DPYD: variants seen among roughly 807,000 people sequenced by gnomAD.
The protein encoded by DPYD is dihydropyrimidine dehydrogenase [NADP(+)].
DPYD carries 109 observed loss-of-function variants against 116.2 expected under a neutral mutation model. The observed-to-expected ratio is 0.94, with a 90% CI of 0.80 to 1.10. DPYD has a LOEUF of 1.10. Ranked by LOEUF, DPYD falls within the 50% of genes least tolerant of loss-of-function variation. The pLI is 0.00. For missense variants in DPYD, 1,302 were observed against 1,254.5 expected (o/e 1.04, Z -0.57); for synonymous variants, 440 against 432.0 (o/e 1.02, Z -0.23).
rs1570752998 is a variant in DPYD, at chr1:97,450,240, G to T, written c.1741-17C>A. The T allele has an allele frequency of 6.2e-7, 1 of 1,612,918 alleles. No individual in the cohort carries two copies. The highest frequency in any genetic ancestry group is 2.2e-5 in the East Asian group (1 of 44,862). The stretch of plus-strand genomic sequence containing the variant: ...CACAATGTCCTGATGAAAGAGTAAA[G>T]ATATTGAGTCTCCTTTTGACAAAGA... On this transcript the variant is annotated splice_polypyrimidine_tract_variant and intron_variant, in intron 13 of 22. Transcript: ENST00000370192.
intron 13 of DPYD, among the ~76,000 whole-genome samples, chr1:97,497,403 C>T (rs1436450320): frequency 6.6e-6 from 1 of 151,768 alleles, no homozygotes; most frequent in Non-Finnish European, 1.5e-5. Flanking sequence ...TTTAGATTTG[C>T]TATTACACCA....
intron 8 of DPYD, among the ~76,000 whole-genome samples, chr1:97,612,482 A>C (rs1571059737): frequency 6.6e-6 from 1 of 152,126 alleles, no homozygotes; most frequent in Middle Eastern, 3.4e-3. Context: ...TAAAGATGTA[A>C]ATGATTCCTC....
chr1:97,085,448 CTA>C (rs1316627249), intron 21 of DPYD, among the ~76,000 whole-genome samples: 1 of 152,158 alleles, frequency 6.6e-6, no homozygotes, highest in African/African-American at 2.4e-5. Context: ...TGTGGAGCCT[CTA>C]GAAGTTATTA....
intron 14 of DPYD, among the ~76,000 whole-genome samples, chr1:97,409,337 A>T (rs1673849382): frequency 6.6e-6 from 1 of 152,152 alleles, no homozygotes; most frequent in African/African-American, 2.4e-5. Flanking sequence ...CCTGGTGGGT[A>T]CAAGAGTGGT....
At chr1:97,099,695 C>T (rs914029313) in intron 20 of DPYD, among the ~76,000 whole-genome samples, 3 of 152,030 alleles carry the variant, frequency 2.0e-5, no homozygotes, top group East Asian at 1.9e-4. Flanking sequence ...CTACAGCACT[C>T]GAAGGTCATC....
chr1:97,168,793 C>T (rs959619242), intron 20 of DPYD, among the ~76,000 whole-genome samples: 1 of 151,912 alleles, frequency 6.6e-6, no homozygotes, highest in African/African-American at 2.4e-5. Flanking sequence ...TGATTAGGCA[C>T]TACACCTGAC....
Position 97,193,659 on chromosome 1 carries a change from C to T in DPYD, c.2443-411G>A, listed in dbSNP as rs1192608456. ...GGCAGTTCTCACGTCTGAAAGTGGTCAAACTGAGGTTGGAGTGCTGTTTAT... is the reference window on the plus strand; with the variant it reads ...GGCAGTTCTCACGTCTGAAAGTGGTTAAACTGAGGTTGGAGTGCTGTTTAT... On this transcript the variant is annotated intron_variant, in intron 19 of 22. Transcript: ENST00000370192. Among the ~76,000 whole-genome samples the T allele has an allele frequency of 9.9e-5, 15 of 152,082 alleles. 1 individual carries two copies. The highest frequency in any genetic ancestry group is 9.8e-4 in the Admixed American group (15 of 15,256).
At chr1:97,312,161 A>C (rs1336384411) in intron 16 of DPYD, among the ~76,000 whole-genome samples, 2 of 151,858 alleles carry the variant, frequency 1.3e-5, no homozygotes, top group Admixed American at 1.3e-4. Context: ...TATACAAATG[A>C]CCAGCAAATA....
intron 18 of DPYD, among the ~76,000 whole-genome samples, chr1:97,287,367 G>A (rs1665770403): frequency 6.6e-6 from 1 of 152,158 alleles, no homozygotes; most frequent in Non-Finnish European, 1.5e-5. Context: ...AGGCTGCTCG[G>A]GGGTCAGGGG....
intron 20 of DPYD, among the ~76,000 whole-genome samples, chr1:97,151,992 T>C (rs1188085488): frequency 2.0e-5 from 3 of 152,318 alleles, no homozygotes; most frequent in East Asian, 3.9e-4. Flanking sequence ...TCATCAAAAA[T>C]AAGTATTACA....
intron 3 of DPYD, among the ~76,000 whole-genome samples, chr1:97,745,725 G>T (rs1664511521): frequency 1.3e-5 from 2 of 152,162 alleles, no homozygotes; most frequent in Admixed American, 1.3e-4. Flanking sequence ...CCACCTCATA[G>T]ATGAGGCTCC....
chr1:97,765,159 TACA>T (rs1289673761), intron 3 of DPYD, among the ~76,000 whole-genome samples: 1 of 152,342 alleles, frequency 6.6e-6, no homozygotes, highest in East Asian at 1.9e-4. Context: ...TTTAATTCTA[TACA>T]ACGCCTTCAC....
chr1:97,748,270 A>T (rs1664667950), intron 3 of DPYD, among the ~76,000 whole-genome samples: 1 of 152,092 alleles, frequency 6.6e-6, no homozygotes, highest in Admixed American at 6.5e-5. Context: ...GATTAGTATA[A>T]TAGATAGATA....
chr1:97,389,787 C>T (rs1411102953), intron 14 of DPYD, among the ~76,000 whole-genome samples: 1 of 150,646 alleles, frequency 6.6e-6, no homozygotes, highest in South Asian at 2.1e-4. Flanking sequence ...TGATAATTTA[C>T]TAATCAAATT....
intron 20 of DPYD, among the ~76,000 whole-genome samples, chr1:97,191,059 C>A (rs556970778): frequency 6.6e-6 from 1 of 150,710 alleles, no homozygotes; most frequent in African/African-American, 2.4e-5. Flanking sequence ...CACACACACA[C>A]ATACACACAC....
At chr1:97,557,392 C>T (rs1457079405) in intron 11 of DPYD, among the ~76,000 whole-genome samples, 1 of 147,990 alleles carries the variant, frequency 6.8e-6, no homozygotes, top group Non-Finnish European at 1.5e-5. Context: ...ACTGTAACCT[C>T]CACCTACTAG....
chr1:97,620,145 T>C (rs1656545636), intron 8 of DPYD, among the ~76,000 whole-genome samples: 1 of 152,150 alleles, frequency 6.6e-6, no homozygotes, highest in Non-Finnish European at 1.5e-5. Flanking sequence ...AGGGCATTCA[T>C]CTTAATGTTC....
At chr1:97,088,355 C>T (rs913293024) in intron 21 of DPYD, among the ~76,000 whole-genome samples, 6 of 152,204 alleles carry the variant, frequency 3.9e-5, no homozygotes, top group Admixed American at 1.3e-4. Flanking sequence ...TTTCTTCAAA[C>T]AGACTTTTTT....
At chr1:97,638,895 C>T (rs1054278530) in intron 8 of DPYD, among the ~76,000 whole-genome samples, 1 of 152,060 alleles carries the variant, frequency 6.6e-6, no homozygotes, top group Non-Finnish European at 1.5e-5. Context: ...CCACTAAGCC[C>T]CAACTCTAAC....
Sources: allele counts gnomAD v4.1 joint callset (sites outside exome capture counted in the v4.1 genomes callset), GRCh38; gene constraint gnomAD v4.1.1; transcripts MANE v1.5; gene names NCBI Gene and HGNC (gene_info 2026-07-23, HGNC 2026-07-21).